CSTA: variants seen among roughly 807,000 people sequenced by gnomAD.
CSTA encodes the protein cystatin-A.
In CSTA, 9 loss-of-function variants were observed where a neutral mutation model predicts 9.2. That is an observed-to-expected ratio of 0.97 (90% confidence interval 0.59 to 1.70). The LOEUF (loss-of-function observed/expected upper bound fraction) is 1.70, where lower values mean the gene tolerates loss of function less well. CSTA is among the 40% of genes most tolerant of loss of function. CSTA has a pLI of 0.00. For synonymous variants in CSTA, 36 were observed against 40.6 expected, an observed-to-expected ratio of 0.89 and a Z score of 0.43; for missense variants, 118 against 113.1, an observed-to-expected ratio of 1.04 and a Z score of -0.20.
At chr3:122,334,153 A>G (rs1280599376) in intron 1 of CSTA, among the ~76,000 whole-genome samples, 2 of 151,966 alleles carry the variant, frequency 1.3e-5, no homozygotes, top group Non-Finnish European at 2.9e-5. Flanking sequence ...TGTCCTCACT[A>G]TTTGTCTTCT....
chr3:122,326,377 T>TA (rs1559979586), intron 1 of CSTA, among the ~76,000 whole-genome samples: 1 of 152,270 alleles, frequency 6.6e-6, no homozygotes, highest in Non-Finnish European at 1.5e-5. Context: ...AGCTATGTAG[T>TA]AAACATTTAT....
chr3:122,333,262 G>C (rs2075214363), intron 1 of CSTA, among the ~76,000 whole-genome samples: 1 of 152,192 alleles, frequency 6.6e-6, no homozygotes, highest in Non-Finnish European at 1.5e-5. Flanking sequence ...TGTAATCCCA[G>C]CACTTTGGGA....
chr3:122,325,793 T>C (rs1022888645), intron 1 of CSTA, among the ~76,000 whole-genome samples: 1 of 152,200 alleles, frequency 6.6e-6, no homozygotes, highest in African/African-American at 2.4e-5. Context: ...ATAGATTGAA[T>C]GAAGAATAAT....
chr3:122,336,080 A>C (rs2075235968), intron 1 of CSTA, among the ~76,000 whole-genome samples: 1 of 152,180 alleles, frequency 6.6e-6, no homozygotes, highest in Admixed American at 6.5e-5. Context: ...AAATGCGTAA[A>C]GATGTGTGCA....
At chr3:122,332,567 CAT>C (rs911678873) in intron 1 of CSTA, among the ~76,000 whole-genome samples, 1 of 152,148 alleles carries the variant, frequency 6.6e-6, no homozygotes, top group African/African-American at 2.4e-5. Context: ...TTGGGTGCCT[CAT>C]GGCTCAAATC....
intron 2 of CSTA, among the ~76,000 whole-genome samples, chr3:122,340,918 G>A (rs1445181739): frequency 6.7e-6 from 1 of 149,280 alleles, no homozygotes; most frequent in Non-Finnish European, 1.5e-5. Context: ...TAGGACCTAT[G>A]CCTCTTGCCA....
At chr3:122,339,067 G>A (rs2075250794) in intron 2 of CSTA, among the ~76,000 whole-genome samples, 1 of 152,076 alleles carries the variant, frequency 6.6e-6, no homozygotes, top group Non-Finnish European at 1.5e-5. Context: ...AGGCACTCTA[G>A]ATTTAAGGTC....
chr3:122,333,143 A>G (rs962120054), intron 1 of CSTA, among the ~76,000 whole-genome samples: 1 of 152,220 alleles, frequency 6.6e-6, no homozygotes, highest in African/African-American at 2.4e-5. Context: ...TCTCATGGAA[A>G]ATTCTGCATT....
intron 1 of CSTA, among the ~76,000 whole-genome samples, chr3:122,326,401 G>T (rs2075170847): frequency 6.6e-6 from 1 of 152,200 alleles, no homozygotes; most frequent in East Asian, 1.9e-4. Context: ...CATATTTTAT[G>T]AAAGGAAAAC....
chr3:122,328,517 AAAG>A (rs1478475787), intron 1 of CSTA, among the ~76,000 whole-genome samples: 3 of 150,840 alleles, frequency 2.0e-5, no homozygotes, highest in African/African-American at 2.4e-5. Context: ...AAAAAAAAAA[AAAG>A]AGTCACCTAG....
At position 122,337,620 on chromosome 3, in the gene CSTA, T is replaced by C; in HGVS notation, c.140T>C (p.Val47Ala). 1 of 1,612,736 alleles carries C rather than the reference T, an allele frequency of 6.2e-7. No individual in the cohort carries two copies. The change falls in exon 2 of 3, where the codon GTT becomes GCT. Residue 47 changes from valine (V) to alanine (A), a missense_variant. Coordinates refer to ENST00000264474, the MANE Select transcript of CSTA (RefSeq NM_005213.4). ...GAAGCTGTGCAGTATAAAACTCAAG[T>C]TGTTGCTGGAACAAATTACTACATT... ...KLEAVQYKTQ[V>A]VAGTNYYIKV...
intron 1 of CSTA, among the ~76,000 whole-genome samples, chr3:122,332,758 C>T (rs911746367): frequency 3.3e-5 from 5 of 152,304 alleles, no homozygotes; most frequent in Admixed American, 6.5e-5. Context: ...CACCATCACG[C>T]GTGGCAGACT....
At chr3:122,325,846 C>T (rs955266883) in intron 1 of CSTA, among the ~76,000 whole-genome samples, 1 of 152,064 alleles carries the variant, frequency 6.6e-6, no homozygotes, top group East Asian at 1.9e-4. Context: ...CACTTTTGCC[C>T]AAATAGATAG....
At chr3:122,336,011 A>G (rs1278284565) in intron 1 of CSTA, among the ~76,000 whole-genome samples, 2 of 151,936 alleles carry the variant, frequency 1.3e-5, no homozygotes, top group Admixed American at 6.6e-5. Context: ...ACACACATAT[A>G]TAATGTATAT....
chr3:122,332,666 A>G (rs1301503120), intron 1 of CSTA, among the ~76,000 whole-genome samples: 2 of 152,194 alleles, frequency 1.3e-5, no homozygotes, highest in African/African-American at 4.8e-5. Flanking sequence ...TAAATGCATT[A>G]TACCAGGTGC....
At chr3:122,332,051 G>A (rs2075207903) in intron 1 of CSTA, among the ~76,000 whole-genome samples, 2 of 152,186 alleles carry the variant, frequency 1.3e-5, no homozygotes, top group South Asian at 2.1e-4. Context: ...GACAGGAGGC[G>A]GAGCTCAGGC....
At chr3:122,330,287 G>A (rs886465534) in intron 1 of CSTA, among the ~76,000 whole-genome samples, 1 of 152,152 alleles carries the variant, frequency 6.6e-6, no homozygotes, top group African/African-American at 2.4e-5. Flanking sequence ...ATTCTCAGAG[G>A]AGCTGAAGTT....
intron 1 of CSTA, among the ~76,000 whole-genome samples, chr3:122,328,906 A>C (rs1399549209): frequency 6.6e-6 from 1 of 151,482 alleles, no homozygotes; most frequent in Non-Finnish European, 1.5e-5. Flanking sequence ...GTGCCACTGC[A>C]CTCCAGCCTG....
intron 1 of CSTA, among the ~76,000 whole-genome samples, chr3:122,335,897 G>T (rs911288945): frequency 2.0e-5 from 3 of 151,662 alleles, no homozygotes; most frequent in Non-Finnish European, 4.4e-5. Flanking sequence ...CTCCCAAAGT[G>T]CTGGGATTAC....
Sources: allele counts gnomAD v4.1 joint callset (sites outside exome capture counted in the v4.1 genomes callset), GRCh38; gene constraint gnomAD v4.1.1; transcripts MANE v1.5; gene names NCBI Gene and HGNC (gene_info 2026-07-23, HGNC 2026-07-21).